MROH1: variants seen among roughly 807,000 people sequenced by gnomAD.
The protein encoded by MROH1 is maestro heat-like repeat-containing protein family member 1.
MROH1 carries 117 observed loss-of-function variants against 116.5 expected under a neutral mutation model. The ratio of observed to expected loss-of-function variants is 1.00; its 90% CI spans 0.86 to 1.17. The LOEUF (loss-of-function observed/expected upper bound fraction) is 1.17, where lower values mean the gene tolerates loss of function less well. MROH1 is among the 50% of genes most tolerant of loss of function. The pLI is 0.00. For synonymous variants in MROH1, 921 were observed against 583.9 expected, an observed-to-expected ratio of 1.58 and a Z score of -8.32; for missense variants, 1,873 against 1,338.5, an observed-to-expected ratio of 1.40 and a Z score of -6.23.
At chr8:144,243,819 T>C (rs1841416651) in intron 25 of MROH1, 44 bp from the exon 26 acceptor site, 2 of 759,026 alleles carry the variant, frequency 2.6e-6, no homozygotes, top group Non-Finnish European at 2.5e-6. Flanking sequence ...GGAGGAGAGC[T>C]GGCGTTTCCT....
chr8:144,172,775 C>G (rs1822836130), intron 4 of MROH1, among the ~76,000 whole-genome samples: 3 of 152,084 alleles, frequency 2.0e-5, no homozygotes, highest in Admixed American at 6.6e-5. Context: ...TATAAGCACT[C>G]CCTGAGATGT....
chr8:144,223,519 G>A lies in MROH1; in HGVS notation c.1338+289G>A, dbSNP rs910331405. ...GCCCCCCAAGACTACAGGCACATGC[G>A]TGCCTGGCTCCCTCTGGTTTCTCAG... On this transcript the variant is annotated intron_variant, in intron 14 of 43. Transcript: ENST00000326134. Among the ~76,000 whole-genome samples the A allele has an allele frequency of 1.6e-4, 25 of 152,276 alleles. No individual in the cohort carries two copies. The East Asian group carries it at 1.9e-3, about 12-fold the overall frequency.
intron 7 of MROH1, among the ~76,000 whole-genome samples, chr8:144,190,530 C>T (rs968379657): frequency 2.0e-5 from 3 of 152,138 alleles, no homozygotes; most frequent in African/African-American, 4.8e-5. Flanking sequence ...AACACACCAG[C>T]CTGAGTGACA....
chr8:144,215,810 T>G (rs1234404256), intron 12 of MROH1, among the ~76,000 whole-genome samples: 1 of 150,686 alleles, frequency 6.6e-6, no homozygotes, highest in Non-Finnish European at 1.5e-5. Flanking sequence ...GTGGCAGAGC[T>G]TGCAGTGAGC....
intron 12 of MROH1, among the ~76,000 whole-genome samples, chr8:144,208,491 C>T (rs2132045460): frequency 6.6e-6 from 1 of 151,810 alleles, no homozygotes; most frequent in African/African-American, 2.4e-5. Flanking sequence ...CTATATCCCC[C>T]TTTTATAAGG....
At chr8:144,222,633 C>T (rs565477414) in intron 13 of MROH1, among the ~76,000 whole-genome samples, 1 of 152,012 alleles carries the variant, frequency 6.6e-6, no homozygotes, top group South Asian at 2.1e-4. Flanking sequence ...GGTGCTGGCA[C>T]AGGTGTGGAG....
chr8:144,191,775 C>A lies in MROH1; in HGVS notation c.775C>A (p.Leu259Met). 6.2e-7 allele frequency: 1 copy of A among 1,613,344 alleles called. No individual in the cohort carries two copies. Among genetic ancestry groups the A allele is most frequent in the Non-Finnish European group, 8.5e-7 (1 of 1,179,796 alleles). ...PMSHLLPSER[L>M]EEQLPKLLPG... ...GAGCCATCTGCTGCCCAGTGAGAGG[C>A]TGGAAGAGCAGCTGCCCAAGCTCCT... Residue 259 changes from leucine to methionine, a missense_variant, in exon 9 of 44, where the codon CTG becomes ATG. Leu to Met is a conservative substitution (Grantham distance 15). Coordinates refer to ENST00000326134, the MANE Select transcript of MROH1 (RefSeq NM_032450.3).
intron 31 of MROH1, 40 bp downstream of exon 31, chr8:144,247,719 ACTGT>A: frequency 1.4e-6 from 1 of 723,178 alleles, no homozygotes; most frequent in Non-Finnish European, 2.5e-6. Context: ...GCAGGCTGGC[ACTGT>A]CTGGGGCTAA....
In MROH1 at chr8:144,180,904, C is replaced by A. The variant is rs114934090; in HGVS notation, c.562+381C>A. Among the ~76,000 whole-genome samples the A allele has an allele frequency of 0.011, 1,697 of 152,154 alleles. 29 individuals carry two copies. Among genetic ancestry groups the A allele is most frequent in the African/African-American group, 0.039 (1,631 of 41,502 alleles). ...CAGGGGATGGGGGCACATTCATTCA[C>A]CCCCACCCTCTGCCAGGAGCCCCAT... On this transcript the variant is annotated intron_variant, in intron 7 of 43. Transcript: ENST00000326134. This position sits in a 1 kb window ranked among gnomAD's most constrained non-coding sequence, Gnocchi z 7.4.
chr8:144,233,884 G>A (rs989897479), intron 14 of MROH1, among the ~76,000 whole-genome samples: 1 of 152,168 alleles, frequency 6.6e-6, no homozygotes, highest in African/African-American at 2.4e-5. Flanking sequence ...GCTATTTTGG[G>A]TCCCTTGAAT....
chr8:144,181,335 G>GGGGAGGGGCCCGGTGA (rs1825668459), intron 7 of MROH1, among the ~76,000 whole-genome samples: 1 of 65,828 alleles, frequency 1.5e-5, no homozygotes, highest in African/African-American at 4.2e-5. Context: ...GAGGGGCCTG[G>GGGGAGGGGCCCGGTGA]TGGGGCCCGG....
chr8:144,170,859 C>A, intron 4 of MROH1, among the ~76,000 whole-genome samples: 1 of 152,214 alleles, frequency 6.6e-6, no homozygotes, highest in South Asian at 2.1e-4. Context: ...CAGACAGACT[C>A]CTCAGGGGCC....
intron 35 of MROH1, among the ~76,000 whole-genome samples, chr8:144,257,632 C>T (rs1469293914): frequency 6.6e-6 from 1 of 152,166 alleles, no homozygotes; most frequent in African/African-American, 2.4e-5. Flanking sequence ...CACACACCAT[C>T]CAGGCGAGTA....
At chr8:144,185,143 AGT>A (rs1216672788) in intron 7 of MROH1, among the ~76,000 whole-genome samples, 1 of 152,134 alleles carries the variant, frequency 6.6e-6, no homozygotes, top group African/African-American at 2.4e-5. Context: ...ATTTCTGTGC[AGT>A]GTGTCGCTCC....
intron 4 of MROH1, chr8:144,174,896 C>T: frequency 1.0e-6 from 1 of 985,422 alleles, no homozygotes; most frequent in Middle Eastern, 5.2e-4. Context: ...CTGCACTGAG[C>T]ACTCAATCAC....
chr8:144,241,274 G>A (rs1840934563), intron 21 of MROH1, 121 bp from the exon 22 acceptor site: 1 of 693,266 alleles, frequency 1.4e-6, no homozygotes, highest in South Asian at 1.6e-5. Context: ...ATGTGTTGAT[G>A]TGTGTGCAAG....
In MROH1 at chr8:144,243,901, A is replaced by G. The variant is rs1340632293; in HGVS notation, c.2514A>G (p.Thr838=). The change falls in exon 26 of 44, where the codon ACA becomes ACG. Residue 838 remains threonine (T), a synonymous_variant. Transcript: ENST00000326134. ...IRAEPPDSLR[T]PIRKKAMLTC... is the part of the protein sequence containing the mutation. ...CAGAGCCCCCGGACTCCTTGAGGAC[A>G]CCTATTCGGAAGAAAGCCATGCTCA... The G allele has an allele frequency of 5.1e-6, 4 of 780,472 alleles. No homozygotes were observed. Among genetic ancestry groups the G allele is most frequent in the Admixed American group, 5.1e-5 (3 of 59,012 alleles). 48.3% of individuals were successfully genotyped at this position (780,472 alleles called of 1,614,324 possible).
rs1319286798 is a variant in MROH1 at position 144,247,622 on chromosome 8, C to T, written c.3063C>T (p.Asp1021=). Residue 1021 remains aspartate (D), a synonymous_variant, in exon 31 of 44, where the codon GAC becomes GAT. Transcript: ENST00000326134. ...DVAERLLSLK[D]GLVHPDPAIL... is the part of the protein sequence containing the mutation. ...CGGAGCGGCTCCTCAGCCTCAAGGA[C>T]GGCCTCGTGCACCCTGACCCCGCCA... 3.5e-5 allele frequency: 27 copies of T among 768,652 alleles called. No homozygotes were observed. Among genetic ancestry groups the T allele is most frequent in the South Asian group, 5.4e-5 (4 of 73,826 alleles). 47.6% of individuals were successfully genotyped at this position (768,652 alleles called of 1,614,324 possible). A position where few individuals can be genotyped will look rare whatever the true frequency, so the allele number is the denominator to read the frequency against.
chr8:144,182,129 C>CCAGA lies in MROH1; in HGVS notation c.562+1607_562+1610dup, dbSNP rs1281216619. Among the ~76,000 whole-genome samples the CCAGA allele has an allele frequency of 6.7e-6, 1 of 150,244 alleles. No individual in the cohort carries two copies. The highest frequency in any genetic ancestry group is 2.5e-5 in the African/African-American group (1 of 39,522). On this transcript the variant is annotated intron_variant, in intron 7 of 43. Coordinates refer to ENST00000326134, the MANE Select transcript of MROH1 (RefSeq NM_032450.3). The surrounding 1 kb of genome is among the most constrained non-coding windows in gnomAD (Gnocchi z 4.1). ...TCCTGCTGGCTGGAGCAGCCTGGGG[C>CCAGA]CAGAGGAAGCCGTATCAACCGGGTG...
Sources: allele counts gnomAD v4.1 joint callset (sites outside exome capture counted in the v4.1 genomes callset), GRCh38; gene constraint gnomAD v4.1.1; non-coding constraint Gnocchi (gnomAD v3.1); transcripts MANE v1.5; gene names NCBI Gene and HGNC (gene_info 2026-07-23, HGNC 2026-07-21).